UMODL1: variants seen among roughly 807,000 people sequenced by gnomAD.
The protein encoded by UMODL1 is uromodulin-like 1.
UMODL1 carries 128 observed loss-of-function variants against 136.3 expected under a neutral mutation model. The ratio of observed to expected loss-of-function variants is 0.94; its 90% CI spans 0.81 to 1.09. UMODL1 has a LOEUF of 1.09. Ranked by LOEUF, UMODL1 falls within the 50% of genes least tolerant of loss-of-function variation. The pLI is 0.00. For missense variants in UMODL1, 1,766 were observed against 1,725.6 expected (o/e 1.02, Z -0.41); for synonymous variants, 721 against 720.0 (o/e 1.00, Z -0.02).
intron 2 of UMODL1, among the ~76,000 whole-genome samples, chr21:42,079,422 C>T (rs760750906): frequency 1.4e-4 from 22 of 152,308 alleles, no homozygotes; most frequent in Middle Eastern, 3.4e-3. Context: ...CAGGGAGTCC[C>T]GTGGGTGAGA....
rs576890706 is a variant in UMODL1 at position 42,090,223 on chromosome 21, G to A, written c.791-75G>A. 1.2e-5 allele frequency: 19 copies of A among 1,591,500 alleles called. No individual in the cohort carries two copies. The East Asian group carries it at 1.4e-4, about 11-fold the overall frequency. On this transcript the variant is annotated intron_variant, in intron 5 of 22. Transcript: ENST00000408910. Reference sequence around the variant, plus strand: ...TCCGTGGCACGAGTCCACAGAGGCCGTGTGTGTGCAGGTAGATGAAGATGA... The same window carrying A: ...TCCGTGGCACGAGTCCACAGAGGCCATGTGTGTGCAGGTAGATGAAGATGA...
chr21:42,127,695 C>A lies in UMODL1; in HGVS notation c.3554C>A (p.Thr1185Asn). The change falls in exon 20 of 23, where the codon ACC (threonine) becomes AAC (asparagine). Residue 1185 changes from threonine to asparagine, a missense_variant. Physicochemically the swap from Thr to Asn is moderately conservative, Grantham distance 65. Coordinates refer to ENST00000408910, the MANE Select transcript of UMODL1 (RefSeq NM_001004416.3). ...NNSCPVPNTYTNVIENGNSNK... is the reference protein window; with the variant it reads ...NNSCPVPNTYNNVIENGNSNK... ...AGCTGCCCTGTGCCCAACACATACA[C>A]CAACGTGATTGAGAACGGCAACTCC... The A allele has an allele frequency of 4.3e-6, 7 of 1,614,118 alleles. No individual in the cohort carries two copies. Among genetic ancestry groups the A allele is most frequent in the Non-Finnish European group, 5.9e-6 (7 of 1,179,986 alleles).
At chr21:42,087,949 C>T (rs1015696116) in intron 4 of UMODL1, among the ~76,000 whole-genome samples, 12 of 152,198 alleles carry the variant, frequency 7.9e-5, no homozygotes, top group African/African-American at 2.9e-4. Context: ...TGTGAGGGCA[C>T]CAGCCATATT....
chr21:42,139,614 T>C (rs967951229), intron 22 of UMODL1, among the ~76,000 whole-genome samples: 1 of 152,180 alleles, frequency 6.6e-6, no homozygotes, highest in African/African-American at 2.4e-5. Context: ...TTTCCCTCGA[T>C]GTTTTAATTT....
chr21:42,092,367 T>C (rs1427777132), intron 6 of UMODL1, among the ~76,000 whole-genome samples: 1 of 150,982 alleles, frequency 6.6e-6, no homozygotes, highest in African/African-American at 2.4e-5. Flanking sequence ...TTTGACCTTA[T>C]TGAACGCAGG....
chr21:42,076,548 T>C (rs1206372961), intron 2 of UMODL1, among the ~76,000 whole-genome samples: 1 of 152,152 alleles, frequency 6.6e-6, no homozygotes, highest in African/African-American at 2.4e-5. Context: ...AGAGGGCTCC[T>C]GGATGGCTTT....
chr21:42,078,750 G>A (rs945099940), intron 2 of UMODL1, among the ~76,000 whole-genome samples: 2 of 152,184 alleles, frequency 1.3e-5, no homozygotes, highest in African/African-American at 4.8e-5. Flanking sequence ...ACCAGGCAGG[G>A]CCAGCTGACC....
chr21:42,092,963 G>A (rs1385976619), intron 6 of UMODL1, among the ~76,000 whole-genome samples: 1 of 152,170 alleles, frequency 6.6e-6, no homozygotes. Flanking sequence ...GTGTCCCAAG[G>A]CTGTCTTCCC....
intron 1 of UMODL1, among the ~76,000 whole-genome samples, chr21:42,075,251 G>GT (rs879625485): frequency 2.7e-5 from 4 of 149,178 alleles, no homozygotes; most frequent in East Asian, 2.0e-4. Context: ...TGGGGGGGGG[G>GT]TTTCACCATG....
chr21:42,063,040 C>T (rs1389951386), exon 1 of UMODL1: 1 of 152,378 alleles, frequency 6.6e-6, no homozygotes, highest in East Asian at 1.9e-4. Context: ...CCTGGCATCC[C>T]GGGCTCATTG....
chr21:42,128,799 GGA>G (rs1162057628), intron 20 of UMODL1, among the ~76,000 whole-genome samples: 2 of 152,242 alleles, frequency 1.3e-5, no homozygotes, highest in African/African-American at 4.8e-5. Context: ...CTTTACAAGA[GGA>G]GCGGCACACA....
rs2066598438 is a variant in UMODL1, at chr21:42,099,315, C to T, written c.1186+135C>T. 1 of 1,310,930 alleles carries T rather than the reference C, an allele frequency of 7.6e-7. No homozygotes were observed. The highest frequency in any genetic ancestry group is 1.0e-6 in the Non-Finnish European group (1 of 980,888). The allele number at this position is 1,310,930 out of a possible 1,614,324, so 81.2% of individuals were successfully genotyped here. On this transcript the variant is annotated intron_variant, in intron 7 of 22. Transcript: ENST00000408910. The surrounding 1 kb of genome is among the most constrained non-coding windows in gnomAD (Gnocchi z 4.1). ...TCACTGACCGCCCTGCACTTCCTCC[C>T]TCCCCTCCCAGTCATCCCACTGCCT...
chr21:42,140,876 G>A (rs1432762392), intron 22 of UMODL1, among the ~76,000 whole-genome samples: 1 of 152,184 alleles, frequency 6.6e-6, no homozygotes, highest in Non-Finnish European at 1.5e-5. Flanking sequence ...AAATAAGGAA[G>A]CTTCCTCAGT....
At chr21:42,142,070 C>G (rs1233410251) in intron 22 of UMODL1, 26 bp from the exon 23 acceptor site, 2 of 152,252 alleles carry the variant, frequency 1.3e-5, no homozygotes, top group Non-Finnish European at 2.9e-5. Context: ...TGCAAGCTGA[C>G]CCAGGTGACC....
At chr21:42,097,330 T>C (rs220309) in intron 6 of UMODL1, among the ~76,000 whole-genome samples, 117,465 of 152,052 alleles carry the variant, frequency 0.77, 45,685 homozygotes, top group East Asian at 0.9. Context: ...GGAGGTGGAG[T>C]GGCAGGTTCT....
At chr21:42,118,429 G>A (rs1338892012) in intron 14 of UMODL1, among the ~76,000 whole-genome samples, 2 of 152,234 alleles carry the variant, frequency 1.3e-5, no homozygotes, top group East Asian at 1.9e-4. Flanking sequence ...GAGGATGATT[G>A]AAGCTCATTA....
intron 18 of UMODL1, 142 bp downstream of exon 18, chr21:42,126,632 A>G (rs954539021): frequency 8.1e-6 from 11 of 1,358,890 alleles, no homozygotes; most frequent in African/African-American, 2.9e-5. Flanking sequence ...CTGCTCCCCA[A>G]ATTTTGTTCC....
At chr21:42,135,375 C>A (rs557604549) in intron 21 of UMODL1, among the ~76,000 whole-genome samples, 4 of 152,334 alleles carry the variant, frequency 2.6e-5, no homozygotes, top group South Asian at 2.1e-4. Context: ...GCCTGTGGAC[C>A]CCCTGTGGCC....
chr21:42,092,167 C>T (rs988285105), intron 6 of UMODL1, among the ~76,000 whole-genome samples: 6 of 152,158 alleles, frequency 3.9e-5, no homozygotes, highest in Non-Finnish European at 7.3e-5. Context: ...CAGCCAGCAG[C>T]CCGGGTTAGG....
Sources: gnomAD v4.1 joint callset for allele counts (sites outside exome capture counted in the v4.1 genomes callset) on GRCh38, gnomAD v4.1.1 for gene constraint, Gnocchi (gnomAD v3.1) non-coding constraint, MANE v1.5 for transcripts, NCBI Gene and HGNC (gene_info 2026-07-23, HGNC 2026-07-21) for gene names.